The following FAM118B variants were observed in gnomAD, a reference collection of about 807,000 sequenced individuals.
FAM118B encodes protein FAM118B.
A neutral mutation model predicts 38.5 loss-of-function variants in FAM118B; 24 were observed. The observed-to-expected ratio is 0.62, with a 90% confidence interval of 0.45 to 0.88. FAM118B has a LOEUF of 0.88. Ranked by LOEUF, FAM118B falls within the 40% of genes least tolerant of loss-of-function variation. The pLI, the probability that FAM118B is intolerant of heterozygous loss-of-function variation, is 0.00. For missense variants in FAM118B, 334 were observed against 420.0 expected, an observed-to-expected ratio of 0.80 and a Z score of 1.79; for synonymous variants, 138 against 156.3, an observed-to-expected ratio of 0.88 and a Z score of 0.87.
At chr11:126,241,189 C>A in intron 4 of FAM118B, 145 bp downstream of exon 4, 1 of 860,890 alleles carries the variant, frequency 1.2e-6, no homozygotes, top group Non-Finnish European at 1.8e-6. Flanking sequence ...ACATTTGACT[C>A]TTCTGCGCAA....
At chr11:126,217,542 A>G (rs1949996079) in intron 1 of FAM118B, among the ~76,000 whole-genome samples, 1 of 152,076 alleles carries the variant, frequency 6.6e-6, no homozygotes, top group Admixed American at 6.5e-5. Flanking sequence ...TTTTTTTCCC[A>G]CATGCTCCAA....
rs1336420579 is a variant in FAM118B, at chr11:126,244,974, CT to C, written c.339+3931del. On this transcript the variant is annotated intron_variant, in intron 4 of 8. Transcript: ENST00000533050. This position sits in a 1 kb window ranked among gnomAD's most constrained non-coding sequence, Gnocchi z 4.5. ...TTGGTCTACAGATTAAGCATGGTCC[CT>C]ATTAGGATCCAGCTGCTGATTTTGT... 21 of 152,158 alleles carry C rather than the reference CT, an allele frequency of 1.4e-4. No individual in the cohort carries two copies. The highest frequency in any genetic ancestry group is 5.1e-4 in the African/African-American group (21 of 41,410). The allele number at this position is 152,158 out of a possible 1,614,324, so 9.4% of individuals were successfully genotyped here. A position where few individuals can be genotyped will look rare whatever the true frequency, so the allele number is the denominator to read the frequency against.
At chr11:126,219,943 A>T (rs73029003) in intron 1 of FAM118B, among the ~76,000 whole-genome samples, 8,347 of 151,544 alleles carry the variant, frequency 0.055, 365 homozygotes, top group East Asian at 0.17. Flanking sequence ...TTTTTTTTAA[A>T]GGGGGGGCTT....
intron 1 of FAM118B, chr11:126,214,503 G>GTTTTTTGTTTTTTTTTTTTTTT (rs1949947993): frequency 3.5e-5 from 1 of 28,258 alleles, no homozygotes; most frequent in Non-Finnish European, 7.5e-5. Flanking sequence ...TTTTTTTTTT[G>GTTTTTTGTTTTTTTTTTTTTTT]TTTTTTTTTT....
intron 2 of FAM118B, chr11:126,233,541 G>T (rs1181961063): frequency 3.3e-6 from 1 of 305,210 alleles, no homozygotes; most frequent in Non-Finnish European, 6.3e-6. Context: ...GTTAAGGCAG[G>T]ATTTACTGAG....
At chr11:126,239,294 G>A (rs1452350142) in intron 3 of FAM118B, among the ~76,000 whole-genome samples, 1 of 151,968 alleles carries the variant, frequency 6.6e-6, no homozygotes, top group Non-Finnish European at 1.5e-5. Context: ...AAGAATTATA[G>A]TTCAAATCTG....
chr11:126,240,776 T>C lies in FAM118B; in HGVS notation c.87-16T>C. 1.3e-6 allele frequency: 2 copies of C among 1,592,556 alleles called. No homozygotes were observed. The highest frequency in any genetic ancestry group is 1.7e-6 in the Non-Finnish European group (2 of 1,169,866). On this transcript the variant is annotated splice_polypyrimidine_tract_variant and intron_variant, in intron 3 of 8. Coordinates refer to ENST00000533050, the MANE Select transcript of FAM118B (RefSeq NM_024556.4). ...TATTGGATATTCCAATCCTCTCATT[T>C]GTTTTGCTTTTATAGGAAGCTGCTT...
rs1406839504 is a variant in FAM118B at position 126,250,175 on chromosome 11, T to C, written c.340-331T>C. ...GACGCGATCTCGGCTCACTGCAAGC[T>C]CCGCCTCCTGGGTTCACACCATTCT... is the stretch of plus-strand genomic sequence containing the variant. On this transcript the variant is annotated intron_variant, in intron 4 of 8. Coordinates refer to ENST00000533050, the MANE Select transcript of FAM118B (RefSeq NM_024556.4). The surrounding 1 kb of genome is among the most constrained non-coding windows in gnomAD (Gnocchi z 5.1). Among the ~76,000 whole-genome samples, 1 of 150,676 alleles carries C rather than the reference T, an allele frequency of 6.6e-6. No homozygotes were observed. The highest frequency in any genetic ancestry group is 1.5e-5 in the Non-Finnish European group (1 of 67,860).
At chr11:126,232,936 G>T (rs536028669) in intron 2 of FAM118B, among the ~76,000 whole-genome samples, 18 of 152,118 alleles carry the variant, frequency 1.2e-4, no homozygotes, top group Middle Eastern at 3.4e-3. Flanking sequence ...AAGCAAACTG[G>T]GAAGTCGTTA....
chr11:126,254,160 T>C (rs1950542390), intron 5 of FAM118B, 145 bp from the exon 6 acceptor site: 1 of 930,514 alleles, frequency 1.1e-6, no homozygotes, highest in Admixed American at 2.9e-5. Context: ...TTAGACCACA[T>C]CAGGTTTTGC....
In FAM118B at chr11:126,255,961, T is replaced by C. The variant is rs1041566548; in HGVS notation, c.697-606T>C. On this transcript the variant is annotated intron_variant, in intron 6 of 8. Coordinates refer to ENST00000533050, the MANE Select transcript of FAM118B (RefSeq NM_024556.4). The surrounding 1 kb of genome is among the most constrained non-coding windows in gnomAD (Gnocchi z 4.6). Reference sequence around the variant, plus strand: ...GCAGAGCAAGACTCTGTCTCAAAAATAAAATAAAAATAAAAAAGTAAACTA... The same window carrying C: ...GCAGAGCAAGACTCTGTCTCAAAAACAAAATAAAAATAAAAAAGTAAACTA... 2.0e-5 allele frequency among the ~76,000 whole-genome samples: 3 copies of C among 151,048 alleles called. No individual in the cohort carries two copies. The highest frequency in any genetic ancestry group is 7.3e-5 in the African/African-American group (3 of 40,984).
In FAM118B at chr11:126,224,909, A is replaced by C. The variant is rs1310060372; in HGVS notation, c.-76-4316A>C. Reference sequence around the variant, plus strand: ...ATCTCCCATCCCATGAATGCTCTGCAGATGGTAACCTATAAACACCCAGAC... The same window carrying C: ...ATCTCCCATCCCATGAATGCTCTGCCGATGGTAACCTATAAACACCCAGAC... On this transcript the variant is annotated intron_variant, in intron 1 of 8. Transcript: ENST00000533050. 5.3e-5 allele frequency among the ~76,000 whole-genome samples: 8 copies of C among 152,370 alleles called. No individual in the cohort carries two copies. In the East Asian group the frequency reaches 1.5e-3, roughly 29 times the overall value.
At position 126,236,246 on chromosome 11, in the gene FAM118B, G is replaced by A. The variant is rs374564942; in HGVS notation, c.86+1159G>A. Reference sequence around the variant, plus strand: ...CTTTGTTTTCCTGAAGCATGTCCTTGCATAGCCTCCTAAGTAAGGACCCAT... The same window carrying A: ...CTTTGTTTTCCTGAAGCATGTCCTTACATAGCCTCCTAAGTAAGGACCCAT... On this transcript the variant is annotated intron_variant, in intron 3 of 8. Transcript: ENST00000533050. Among the ~76,000 whole-genome samples, 9 of 152,274 alleles carry A rather than the reference G, an allele frequency of 5.9e-5. No individual in the cohort carries two copies. The East Asian group carries it at 1.2e-3, about 20-fold the overall frequency.
At chr11:126,231,517 G>A (rs1184786496) in intron 2 of FAM118B, among the ~76,000 whole-genome samples, 1 of 152,104 alleles carries the variant, frequency 6.6e-6, no homozygotes, top group Non-Finnish European at 1.5e-5. Flanking sequence ...ATCCTTTAGG[G>A]TAAAGAAAAT....
chr11:126,229,632 G>A (rs529564286), intron 2 of FAM118B, among the ~76,000 whole-genome samples: 1 of 152,182 alleles, frequency 6.6e-6, no homozygotes, highest in South Asian at 2.1e-4. Context: ...TAGTAGAGAC[G>A]GGGTTTCACC....
intron 1 of FAM118B, chr11:126,214,514 G>GTTTTTTTTTTTTTTTTGTTTTTGTTT (rs71048770): frequency 4.8e-5 from 2 of 41,500 alleles, no homozygotes; most frequent in African/African-American, 1.2e-4. Flanking sequence ...TTTTTTTTTT[G>GTTTTTTTTTTTTTTTTGTTTTTGTTT]TTTTTTTTTT....
At chr11:126,248,077 C>T (rs1384268879) in intron 4 of FAM118B, among the ~76,000 whole-genome samples, 11 of 150,238 alleles carry the variant, frequency 7.3e-5, no homozygotes, top group African/African-American at 2.7e-4. Flanking sequence ...ACCAGAGAGG[C>T]AGAGGTTGCA....
chr11:126,261,264 T>G (rs1158466249), intron 7 of FAM118B, 161 bp from the exon 8 acceptor site: 9 of 613,586 alleles, frequency 1.5e-5, no homozygotes, highest in Non-Finnish European at 2.6e-5. Flanking sequence ...CTACTCCAGT[T>G]TATCCTCTCT....
At chr11:126,237,196 G>A (rs1286254687) in intron 3 of FAM118B, among the ~76,000 whole-genome samples, 10 of 139,984 alleles carry the variant, frequency 7.1e-5, no homozygotes, top group African/African-American at 2.4e-4. Context: ...GATTACAGAC[G>A]TGAGCCACCG....
Sources: allele counts gnomAD v4.1 joint callset (sites outside exome capture counted in the v4.1 genomes callset), GRCh38; gene constraint gnomAD v4.1.1; non-coding constraint Gnocchi (gnomAD v3.1); transcripts MANE v1.5; gene names NCBI Gene and HGNC (gene_info 2026-07-23, HGNC 2026-07-21).